Variants in GDPD5 observed in about 807,000 individuals in gnomAD.
GDPD5 encodes the protein glycerophosphodiester phosphodiesterase domain containing 5.
Under a neutral mutation model 75.1 loss-of-function variants are expected in GDPD5, and 48 were observed. The observed-to-expected ratio is 0.64, with a 90% confidence interval of 0.51 to 0.81. GDPD5 has a LOEUF of 0.81. GDPD5 is among the 40% of genes least tolerant of loss of function. The probability of loss-of-function intolerance (pLI) is 0.00; values close to 1 mark genes in which losing one functional copy is unlikely to be tolerated. For missense variants in GDPD5, 706 were observed against 822.6 expected (o/e 0.86, Z 1.73); for synonymous variants, 336 against 339.0 (o/e 0.99, Z 0.10).
intron 2 of GDPD5, among the ~76,000 whole-genome samples, chr11:75,489,485 C>T (rs1950072421): frequency 6.6e-6 from 1 of 152,242 alleles, no homozygotes; most frequent in Non-Finnish European, 1.5e-5. Flanking sequence ...AAGAAAGTCC[C>T]AGGAGCTGGC....
intron 6 of GDPD5, among the ~76,000 whole-genome samples, chr11:75,454,184 T>C (rs1460382605): frequency 1.3e-5 from 2 of 152,058 alleles, no homozygotes; most frequent in Non-Finnish European, 2.9e-5. Flanking sequence ...CAAAAAGCAA[T>C]GGCAAAAATG....
At chr11:75,487,135 C>A (rs1236156141) in intron 2 of GDPD5, among the ~76,000 whole-genome samples, 1 of 152,206 alleles carries the variant, frequency 6.6e-6, no homozygotes, top group Non-Finnish European at 1.5e-5. Flanking sequence ...CCTGTGCTCT[C>A]CGGCCCCAGC....
intron 2 of GDPD5, among the ~76,000 whole-genome samples, chr11:75,489,181 C>CAA (rs34865793): frequency 1.4e-4 from 21 of 151,770 alleles, no homozygotes; most frequent in South Asian, 8.3e-4. Flanking sequence ...AAAAAAATTA[C>CAA]AAAAAAAAGA....
chr11:75,506,224 T>C (rs957477851), intron 1 of GDPD5, among the ~76,000 whole-genome samples: 15 of 152,208 alleles, frequency 9.9e-5, no homozygotes, highest in African/African-American at 3.6e-4. Context: ...TTTGTTCCTC[T>C]CAGGGACGCT....
chr11:75,483,565 C>G (rs1332847589), intron 2 of GDPD5, among the ~76,000 whole-genome samples: 1 of 152,162 alleles, frequency 6.6e-6, no homozygotes, highest in East Asian at 1.9e-4. Flanking sequence ...GCCTGGTCAC[C>G]CTCAACTGAA....
chr11:75,502,843 G>T (rs1282235289), intron 1 of GDPD5, among the ~76,000 whole-genome samples: 4 of 152,150 alleles, frequency 2.6e-5, no homozygotes. Flanking sequence ...AGAAAAGAAG[G>T]CCTGAGACTA....
At position 75,502,626 on chromosome 11, in the gene GDPD5, C is replaced by T. The variant is rs138549077; in HGVS notation, c.-144-12306G>A. On this transcript the variant is annotated intron_variant, in intron 1 of 16. Coordinates refer to ENST00000336898, the MANE Select transcript of GDPD5 (RefSeq NM_030792.8). ...CCAGTCCCATGGAGAGAAGTGGCGT[C>T]TCTGTCCCCCCACTTGAATCTGAGA... 3.9e-3 allele frequency among the ~76,000 whole-genome samples: 590 copies of T among 152,334 alleles called. 1 individual carries two copies. The highest frequency in any genetic ancestry group is 0.013 in the African/African-American group (533 of 41,568).
chr11:75,509,503 A>G (rs1190532001), intron 1 of GDPD5, among the ~76,000 whole-genome samples: 1 of 152,170 alleles, frequency 6.6e-6, no homozygotes, highest in Non-Finnish European at 1.5e-5. Context: ...TTGGGGGATT[A>G]ATATAAATTG....
chr11:75,479,679 C>A (rs918718998), intron 2 of GDPD5, among the ~76,000 whole-genome samples: 1 of 152,142 alleles, frequency 6.6e-6, no homozygotes, highest in Non-Finnish European at 1.5e-5. Flanking sequence ...CCCCCCACCC[C>A]CTTCTCATGC....
chr11:75,484,795 T>C (rs548885314), intron 2 of GDPD5, among the ~76,000 whole-genome samples: 2 of 152,244 alleles, frequency 1.3e-5, no homozygotes, highest in South Asian at 2.1e-4. Context: ...CCAGCCACAA[T>C]AGTTACTGTT....
chr11:75,448,741 G>A, intron 9 of GDPD5: 2 of 1,217,024 alleles, frequency 1.6e-6, no homozygotes, highest in African/African-American at 3.2e-5. Context: ...AAACCCTCCT[G>A]CATCTTTGCA....
intron 2 of GDPD5, among the ~76,000 whole-genome samples, chr11:75,478,595 A>G (rs1214945419): frequency 6.6e-6 from 1 of 152,120 alleles, no homozygotes; most frequent in African/African-American, 2.4e-5. Flanking sequence ...CTGTCTGTCT[A>G]CCCTACTATA....
chr11:75,482,262 C>G (rs78988502), intron 2 of GDPD5, among the ~76,000 whole-genome samples: 8,292 of 152,234 alleles, frequency 0.054, 331 homozygotes, highest in East Asian at 0.13. Flanking sequence ...CTCCTCTCCC[C>G]CTGGTGCATT....
intron 9 of GDPD5, among the ~76,000 whole-genome samples, chr11:75,446,422 A>C (rs1948988946): frequency 6.6e-6 from 1 of 152,186 alleles, no homozygotes; most frequent in Non-Finnish European, 1.5e-5. Flanking sequence ...GCCTCAGGCC[A>C]GTCCAAGTGG....
rs1948851780 is a variant in GDPD5, at chr11:75,442,564, T to G, written c.966A>C (p.Thr322=). Residue 322 remains threonine (T), a synonymous_variant, in exon 12 of 17, where the codon ACA becomes ACC. Transcript: ENST00000336898. ...GGTCGGAGGGTGACAGGGAGCTGGC[T>G]GTCCAGAAGGGGTCAGTCTGGCAGG... ...QWFLKTDPFW[T]ASSLSPSDHR... The G allele has an allele frequency of 1.9e-6, 3 of 1,613,964 alleles. No homozygotes were observed. The South Asian group carries it at 3.3e-5, about 18-fold the overall frequency.
intron 16 of GDPD5, among the ~76,000 whole-genome samples, chr11:75,436,161 G>A (rs745704251): frequency 1.3e-5 from 2 of 152,184 alleles, no homozygotes; most frequent in African/African-American, 2.4e-5. Context: ...AAGGACCAGG[G>A]TGGGTTCTGG....
At chr11:75,478,604 T>C (rs1309078263) in intron 2 of GDPD5, among the ~76,000 whole-genome samples, 1 of 152,256 alleles carries the variant, frequency 6.6e-6, no homozygotes, top group Admixed American at 6.5e-5. Flanking sequence ...TACCCTACTA[T>C]AATGCAGTTT....
At chr11:75,484,684 A>G (rs1949985907) in intron 2 of GDPD5, among the ~76,000 whole-genome samples, 1 of 152,206 alleles carries the variant, frequency 6.6e-6, no homozygotes, top group East Asian at 1.9e-4. Flanking sequence ...CAGGAGTTCA[A>G]GACCAGCCTG....
rs1941628160 is a variant in GDPD5 at position 75,525,396 on chromosome 11, G to C, written c.-331C>G. 6.6e-6 allele frequency: 1 copy of C among 152,320 alleles called. No homozygotes were observed. The highest frequency in any genetic ancestry group is 1.5e-5 in the Non-Finnish European group (1 of 68,114). The allele number at this position is 152,320 out of a possible 1,614,324, so 9.4% of individuals were successfully genotyped here. On this transcript the variant is annotated 5_prime_UTR_variant, in exon 1 of 17. Transcript: ENST00000336898. ...CCTCACCGAGCGCACGACCCGGCCA[G>C]GGCTTCCCGGGCGCTCGCGCTGTTC...
Sources: allele counts gnomAD v4.1 joint callset (sites outside exome capture counted in the v4.1 genomes callset), GRCh38; gene constraint gnomAD v4.1.1; transcripts MANE v1.5; gene names NCBI Gene and HGNC (gene_info 2026-07-23, HGNC 2026-07-21).